ANKRD11: variants seen among roughly 807,000 people sequenced by gnomAD.
ANKRD11 encodes ankyrin repeat domain 11.
A neutral mutation model predicts 195.7 loss-of-function variants in ANKRD11; 17 were observed. The observed-to-expected ratio is 0.09, with a 90% CI of 0.06 to 0.13. The LOEUF is 0.13. Ranked by LOEUF, ANKRD11 falls within the 10% of genes least tolerant of loss-of-function variation. The pLI, the probability that ANKRD11 is intolerant of heterozygous loss-of-function variation, is 1.00. For synonymous variants in ANKRD11, 1,953 were observed against 1,528.1 expected (o/e 1.28, Z -6.49); for missense variants, 3,735 against 3,566.1 (o/e 1.05, Z -1.21).
chr16:89,356,780 CA>C (rs58470031), intron 2 of ANKRD11, among the ~76,000 whole-genome samples: 1,131 of 103,920 alleles, frequency 0.011, 17 homozygotes, highest in African/African-American at 0.038. Flanking sequence ...GACTCCGTCT[CA>C]AAAAAAAAAA....
rs768098760 is a variant in ANKRD11, at chr16:89,280,578, G to C, written c.5964C>G (p.Pro1988=). 13 of 1,613,412 alleles carry C rather than the reference G, an allele frequency of 8.1e-6. No homozygotes were observed. The highest frequency in any genetic ancestry group is 3.3e-5 in the South Asian group (3 of 91,084). The change falls in exon 9 of 13, where the codon CCC becomes CCG. Residue 1988 remains proline, a synonymous_variant. Transcript: ENST00000301030. ...DLLLKSPQRF[P]ESPKRFCPAD... is the part of the protein sequence containing the mutation. ...CGGGGCAGAAACGCTTTGGGGACTC[G>C]GGGAATCTCTGTGGAGACTTCAGCA...
intron 2 of ANKRD11, among the ~76,000 whole-genome samples, chr16:89,326,639 G>T (rs1419069017): frequency 2.0e-5 from 3 of 152,162 alleles, no homozygotes; most frequent in Non-Finnish European, 4.4e-5. Context: ...CTCCTTGGGA[G>T]CCTGAGGCAG....
At chr16:89,312,271 T>C (rs2036647283) in intron 3 of ANKRD11, among the ~76,000 whole-genome samples, 1 of 152,220 alleles carries the variant, frequency 6.6e-6, no homozygotes, top group Non-Finnish European at 1.5e-5. Flanking sequence ...TAAGCCTCAG[T>C]GCAGACGGCA....
intron 2 of ANKRD11, among the ~76,000 whole-genome samples, chr16:89,343,084 G>A (rs573069405): frequency 6.6e-6 from 1 of 152,156 alleles, no homozygotes; most frequent in Non-Finnish European, 1.5e-5. Flanking sequence ...GCAGTGGTGC[G>A]ATCTCGGCTC....
intron 2 of ANKRD11, among the ~76,000 whole-genome samples, chr16:89,404,796 T>C (rs1274402874): frequency 6.6e-6 from 1 of 152,234 alleles, no homozygotes. Flanking sequence ...ATTCTGAGGA[T>C]GAAGGCATCA....
At chr16:89,435,640 C>T (rs2043183113) in intron 1 of ANKRD11, among the ~76,000 whole-genome samples, 2 of 152,104 alleles carry the variant, frequency 1.3e-5, no homozygotes, top group South Asian at 2.1e-4. Context: ...CAGCTTCATT[C>T]TTGAAGTCAG....
At chr16:89,370,991 T>C (rs1347795067) in intron 2 of ANKRD11, among the ~76,000 whole-genome samples, 1 of 152,150 alleles carries the variant, frequency 6.6e-6, no homozygotes, top group East Asian at 1.9e-4. Flanking sequence ...CGTCCCTTGC[T>C]TGAGCTCTCC....
At chr16:89,403,460 G>A (rs562736650) in intron 2 of ANKRD11, among the ~76,000 whole-genome samples, 2 of 152,066 alleles carry the variant, frequency 1.3e-5, no homozygotes, top group Non-Finnish European at 2.9e-5. Context: ...CAGTAAGCGA[G>A]GCCCCGCGCT....
In ANKRD11 at chr16:89,343,228, A is replaced by T. The variant is rs551350333; in HGVS notation, c.-59-26150T>A. Among the ~76,000 whole-genome samples the T allele has an allele frequency of 8.5e-4, 129 of 152,148 alleles. 1 individual carries two copies. Among genetic ancestry groups the T allele is most frequent in the Non-Finnish European group, 1.1e-3 (78 of 67,962 alleles). ...CTGGTCTCGAACTCCTGACCTCAAG[A>T]GTGATCCACCCAGCTCGGCCTCCCG... On this transcript the variant is annotated intron_variant, in intron 2 of 12. Transcript: ENST00000301030.
chr16:89,357,699 A>G (rs1164120661), intron 2 of ANKRD11, among the ~76,000 whole-genome samples: 1 of 152,192 alleles, frequency 6.6e-6, no homozygotes, highest in Admixed American at 6.5e-5. Context: ...TGCCTGTCAC[A>G]GCCAATGCTG....
chr16:89,470,335 C>A (rs538950950), intron 1 of ANKRD11, among the ~76,000 whole-genome samples: 2 of 152,060 alleles, frequency 1.3e-5, no homozygotes, highest in Non-Finnish European at 2.9e-5. Flanking sequence ...GTAGAAAAAG[C>A]GCTGAAATGG....
intron 2 of ANKRD11, among the ~76,000 whole-genome samples, chr16:89,388,012 CAAA>C (rs753200517): frequency 5.3e-5 from 5 of 93,974 alleles, no homozygotes; most frequent in Non-Finnish European, 6.5e-5. Context: ...GACTCCATCT[CAAA>C]AAAAAAAAAA....
intron 2 of ANKRD11, among the ~76,000 whole-genome samples, chr16:89,330,572 C>T (rs757630779): frequency 1.3e-5 from 2 of 148,614 alleles, no homozygotes; most frequent in Non-Finnish European, 1.5e-5. Context: ...GGGGGAGCCA[C>T]GGCACCTCTG....
At chr16:89,386,106 G>C (rs1175687464) in intron 2 of ANKRD11, among the ~76,000 whole-genome samples, 1 of 152,172 alleles carries the variant, frequency 6.6e-6, no homozygotes, top group East Asian at 1.9e-4. Context: ...CTATTCCTCA[G>C]ATTTTCGTTT....
intron 2 of ANKRD11, among the ~76,000 whole-genome samples, chr16:89,345,649 G>C (rs547421468): frequency 2.0e-5 from 3 of 152,336 alleles, no homozygotes; most frequent in Non-Finnish European, 2.9e-5. Flanking sequence ...AGAAATACAA[G>C]ACCAAGTTTG....
At chr16:89,310,804 C>T (rs920960048) in intron 3 of ANKRD11, among the ~76,000 whole-genome samples, 2 of 152,234 alleles carry the variant, frequency 1.3e-5, no homozygotes, top group Non-Finnish European at 2.9e-5. Flanking sequence ...ATGCTACGCT[C>T]ACTGATTCTT....
Position 89,291,611 on chromosome 16 carries a change from TGCAGA to T in ANKRD11, c.227-433_227-429del. ...CCTTCCCCGTCCCTCCTCCAAACAGTGCAGATATAAAATGGCAGACACAGTTTAAA... is the reference window on the plus strand; with the variant it reads ...CCTTCCCCGTCCCTCCTCCAAACAGTTATAAAATGGCAGACACAGTTTAAA... On this transcript the variant is annotated intron_variant, in intron 4 of 12. Transcript: ENST00000301030. The surrounding 1 kb of genome is among the most constrained non-coding windows in gnomAD (Gnocchi z 5.3). 8.7e-7 allele frequency: 1 copy of T among 1,154,046 alleles called. No homozygotes were observed. The highest frequency in any genetic ancestry group is 1.6e-5 in the African/African-American group (1 of 63,204). The allele number at this position is 1,154,046 out of a possible 1,614,324, so 71.5% of individuals were successfully genotyped here.
chr16:89,313,501 G>A, intron 3 of ANKRD11: 2 of 1,289,226 alleles, frequency 1.6e-6, no homozygotes, highest in Non-Finnish European at 2.0e-6. Context: ...CGTCAGGTCA[G>A]CGCGGCATCA....
At chr16:89,288,940 A>C (rs1225244740) in intron 6 of ANKRD11, 2 of 560,620 alleles carry the variant, frequency 3.6e-6, no homozygotes, top group Non-Finnish European at 6.4e-6. Context: ...AATCACCCTA[A>C]AAGGGTAGGA....
Sources: allele counts gnomAD v4.1 joint callset (sites outside exome capture counted in the v4.1 genomes callset), GRCh38; gene constraint gnomAD v4.1.1; non-coding constraint Gnocchi (gnomAD v3.1); transcripts MANE v1.5; gene names NCBI Gene and HGNC (gene_info 2026-07-23, HGNC 2026-07-21).